The following DNAAF11 variants were observed in gnomAD, a reference collection of about 807,000 sequenced individuals.
The protein encoded by DNAAF11 is dynein axonemal assembly factor 11.
DNAAF11 carries 45 observed loss-of-function variants against 60.8 expected under a neutral mutation model. The ratio of observed to expected loss-of-function variants is 0.74; its 90% CI spans 0.58 to 0.95. The LOEUF (loss-of-function observed/expected upper bound fraction) is 0.95, where lower values mean the gene tolerates loss of function less well. Ranked by LOEUF, DNAAF11 falls within the 40% of genes least tolerant of loss-of-function variation. The pLI, the probability that DNAAF11 is intolerant of heterozygous loss-of-function variation, is 0.00. For missense variants in DNAAF11, 546 were observed against 546.2 expected (o/e 1.00, Z 0.00); for synonymous variants, 191 against 183.5 (o/e 1.04, Z -0.33).
the DNAAF11 span, among the ~76,000 whole-genome samples, chr8:132,683,631 A>C: frequency 6.6e-6 from 1 of 152,334 alleles, no homozygotes; most frequent in South Asian, 2.1e-4. Context: ...ACACAGCCTC[A>C]GTGGGAGGAG....
rs369287698 is a variant in DNAAF11, at chr8:132,659,106, G to A, written c.179-2199C>T. The stretch of plus-strand genomic sequence containing the variant: ...AAGGGTTGATTCCAGGAGCCCACAG[G>A]TTCTGATTCAGTAGGTCTGGGGACG... On this transcript the variant is annotated intron_variant, in intron 2 of 11. Coordinates refer to ENST00000620350, the MANE Select transcript of DNAAF11 (RefSeq NM_012472.6). 3.9e-5 allele frequency among the ~76,000 whole-genome samples: 6 copies of A among 152,316 alleles called. No homozygotes were observed. The South Asian group carries it at 6.2e-4, about 16-fold the overall frequency.
intron 2 of DNAAF11, among the ~76,000 whole-genome samples, chr8:132,660,090 C>T (rs1823985699): frequency 6.6e-6 from 1 of 152,218 alleles, no homozygotes; most frequent in South Asian, 2.1e-4. Context: ...AGCCCTGACT[C>T]CATCCCTTTT....
rs934254752 is a variant in DNAAF11, at chr8:132,572,938, G to A, written c.1227-458C>T. On this transcript the variant is annotated intron_variant, in intron 11 of 11. Transcript: ENST00000620350. ...AGGGGTTTGGCAGGGGCATCTACAC[G>A]GCAAGTTCAGGTGCATAGTAAAGTG... 3.3e-5 allele frequency among the ~76,000 whole-genome samples: 5 copies of A among 152,036 alleles called. No individual in the cohort carries two copies. In the East Asian group the frequency reaches 5.8e-4, roughly 18 times the overall value.
chr8:132,702,709 A>T, the DNAAF11 span, among the ~76,000 whole-genome samples: 1 of 152,202 alleles, frequency 6.6e-6, no homozygotes, highest in Non-Finnish European at 1.5e-5. Context: ...GAATTAGGTA[A>T]TATTTTAGTC....
At chr8:132,674,698 G>C (rs903492085) in intron 1 of DNAAF11, among the ~76,000 whole-genome samples, 2 of 152,186 alleles carry the variant, frequency 1.3e-5, no homozygotes, top group Admixed American at 1.3e-4. Flanking sequence ...AGACCAGCCT[G>C]GCCAACATGG....
intron 7 of DNAAF11, among the ~76,000 whole-genome samples, chr8:132,622,011 C>T (rs1819813011): frequency 6.6e-6 from 1 of 152,160 alleles, no homozygotes; most frequent in Non-Finnish European, 1.5e-5. Flanking sequence ...GAGATTTAGT[C>T]TGTAGGCTCT....
intron 8 of DNAAF11, among the ~76,000 whole-genome samples, chr8:132,614,512 T>G (rs764056665): frequency 1.3e-5 from 2 of 151,800 alleles, no homozygotes; most frequent in African/African-American, 4.8e-5. Flanking sequence ...AAAAGGACAA[T>G]AGTTTGGGTG....
intron 7 of DNAAF11, among the ~76,000 whole-genome samples, chr8:132,616,632 G>A (rs1417577857): frequency 6.6e-6 from 1 of 152,148 alleles, no homozygotes; most frequent in Admixed American, 6.5e-5. Context: ...TGTTAGTGAG[G>A]CTGGAAATCA....
At position 132,600,869 on chromosome 8, in the gene DNAAF11, A is replaced by G. The variant is rs1586541849; in HGVS notation, c.1140+9297T>C. ...ATTCAGGACATAGGCATGGGCAAGG[A>G]CTTCATGTCTAAAACACCAAAAGCA... On this transcript the variant is annotated intron_variant, in intron 10 of 11. Transcript: ENST00000620350. 2.0e-5 allele frequency among the ~76,000 whole-genome samples: 3 copies of G among 152,348 alleles called. No homozygotes were observed. The South Asian group carries it at 6.2e-4, about 32-fold the overall frequency.
chr8:132,629,443 GT>G (rs1820593692), intron 5 of DNAAF11, among the ~76,000 whole-genome samples: 1 of 151,780 alleles, frequency 6.6e-6, no homozygotes, highest in Non-Finnish European at 1.5e-5. Flanking sequence ...CGCCTCCTGG[GT>G]TCATGCCATT....
chr8:132,701,905 G>T, the DNAAF11 span, among the ~76,000 whole-genome samples: 1 of 152,142 alleles, frequency 6.6e-6, no homozygotes, highest in African/African-American at 2.4e-5. Context: ...TCTCTAGGTG[G>T]CCTGCTTTCA....
chr8:132,669,682 C>T (rs760057096), intron 1 of DNAAF11, among the ~76,000 whole-genome samples: 4 of 152,100 alleles, frequency 2.6e-5, no homozygotes, highest in South Asian at 2.1e-4. Context: ...TTAGCAGTGA[C>T]GTCAGGTTCT....
chr8:132,603,367 C>T (rs1024628722), intron 10 of DNAAF11, among the ~76,000 whole-genome samples: 1 of 152,098 alleles, frequency 6.6e-6, no homozygotes, highest in African/African-American at 2.4e-5. Flanking sequence ...GTATAAGAAA[C>T]AACCAGCAAT....
At chr8:132,640,749 A>G (rs1307127963) in intron 3 of DNAAF11, among the ~76,000 whole-genome samples, 5 of 152,154 alleles carry the variant, frequency 3.3e-5, no homozygotes, top group Non-Finnish European at 7.4e-5. Context: ...GCAACAAAAT[A>G]CATTAATAAT....
At chr8:132,643,396 G>A (rs531345637) in intron 3 of DNAAF11, 2 of 313,520 alleles carry the variant, frequency 6.4e-6, no homozygotes, top group South Asian at 2.9e-5. Context: ...CATGACACAG[G>A]TGGAGATGGA....
intron 8 of DNAAF11, among the ~76,000 whole-genome samples, chr8:132,614,781 C>T (rs1296185200): frequency 1.3e-5 from 2 of 152,184 alleles, no homozygotes; most frequent in African/African-American, 2.4e-5. Context: ...CATCAGAAAA[C>T]AGCACAGGTC....
intron 7 of DNAAF11, among the ~76,000 whole-genome samples, chr8:132,621,244 T>C (rs1586606590): frequency 6.6e-6 from 1 of 152,034 alleles, no homozygotes; most frequent in Non-Finnish European, 1.5e-5. Context: ...CCACTTCAGT[T>C]AGTGAAAGAG....
chr8:132,664,702 C>G lies in DNAAF11; in HGVS notation c.11-3075G>C, dbSNP rs1197628393. Among the ~76,000 whole-genome samples, 4 of 150,794 alleles carry G rather than the reference C, an allele frequency of 2.7e-5. No individual in the cohort carries two copies. In the South Asian group the frequency reaches 8.4e-4, roughly 32 times the overall value. On this transcript the variant is annotated intron_variant, in intron 1 of 11. Transcript: ENST00000620350. ...TTGGTCTCAGACTCCTGGACTCAAG[C>G]GATCCACCCACCTTGGCTTCCCAAA... is the stretch of plus-strand genomic sequence containing the variant.
chr8:132,667,221 C>A (rs548397695), intron 1 of DNAAF11, among the ~76,000 whole-genome samples: 1 of 152,198 alleles, frequency 6.6e-6, no homozygotes, highest in East Asian at 1.9e-4. Flanking sequence ...CCCCACCATT[C>A]TCTACCTGTT....
Sources: allele counts gnomAD v4.1 joint callset (sites outside exome capture counted in the v4.1 genomes callset), GRCh38; gene constraint gnomAD v4.1.1; transcripts MANE v1.5; gene names NCBI Gene and HGNC (gene_info 2026-07-23, HGNC 2026-07-21).